The following CSMD1 variants were observed in gnomAD, a reference collection of about 807,000 sequenced individuals.
CSMD1 encodes CUB and sushi domain-containing protein 1.
In CSMD1, 213 loss-of-function variants were observed where a neutral mutation model predicts 417.5. That is an observed-to-expected ratio of 0.51 (90% CI 0.46 to 0.57). CSMD1 has a LOEUF of 0.57. Among genes scored for constraint, CSMD1 ranks in the 20% least tolerant of loss-of-function variants. The pLI is 0.00. For synonymous variants in CSMD1, 2,862 were observed against 1,736.8 expected (o/e 1.65, Z -16.11); for missense variants, 6,923 against 4,529.7 (o/e 1.53, Z -15.17).
chr8:4,654,852 G>T (rs1804130034), intron 1 of CSMD1, among the ~76,000 whole-genome samples: 1 of 151,960 alleles, frequency 6.6e-6, no homozygotes, highest in Admixed American at 6.6e-5. Context: ...AACAAATAAT[G>T]ATTTATTTGG....
intron 31 of CSMD1, among the ~76,000 whole-genome samples, chr8:3,203,158 G>C (rs1393236785): frequency 1.3e-5 from 2 of 152,196 alleles, no homozygotes; most frequent in Non-Finnish European, 2.9e-5. Flanking sequence ...GAAGGGGATA[G>C]TAACATGGTC....
intron 32 of CSMD1, 69 bp from the exon 33 acceptor site, chr8:3,199,878 A>G: frequency 2.2e-6 from 2 of 891,894 alleles, no homozygotes; most frequent in South Asian, 1.6e-5. Context: ...ATTTTGGAAA[A>G]TGGTGATAAA....
At chr8:3,782,972 A>G (rs983421691) in intron 5 of CSMD1, among the ~76,000 whole-genome samples, 1 of 152,202 alleles carries the variant, frequency 6.6e-6, no homozygotes, top group Non-Finnish European at 1.5e-5. Flanking sequence ...TAGGTACAGG[A>G]TTGTTAGCTA....
chr8:4,944,700 A>T (rs1247871500), intron 1 of CSMD1, among the ~76,000 whole-genome samples: 1 of 152,174 alleles, frequency 6.6e-6, no homozygotes, highest in Non-Finnish European at 1.5e-5. Context: ...CCTCACACCC[A>T]CGCAGATGAC....
intron 20 of CSMD1, among the ~76,000 whole-genome samples, chr8:3,364,239 T>C (rs1450341063): frequency 1.3e-5 from 2 of 152,166 alleles, no homozygotes; most frequent in Non-Finnish European, 2.9e-5. Context: ...CCAAATGAAA[T>C]TACTCCTCTA....
chr8:3,390,346 C>G (rs1811273993), intron 17 of CSMD1, among the ~76,000 whole-genome samples: 1 of 98,114 alleles, frequency 1.0e-5, no homozygotes, highest in Non-Finnish European at 1.9e-5. Context: ...CAGAGCAAGA[C>G]TCTGTCTCAA....
chr8:4,360,662 T>C (rs1801703701), intron 3 of CSMD1, among the ~76,000 whole-genome samples: 2 of 152,088 alleles, frequency 1.3e-5, no homozygotes, highest in Non-Finnish European at 2.9e-5. Context: ...GGCTAATTTT[T>C]TTTTTGTTTT....
intron 37 of CSMD1, among the ~76,000 whole-genome samples, chr8:3,180,594 C>T (rs767519749): frequency 6.6e-6 from 1 of 152,078 alleles, no homozygotes; most frequent in Non-Finnish European, 1.5e-5. Flanking sequence ...TGAACTTATA[C>T]ATTTACCCAT....
chr8:3,242,367 G>C (rs980288819), intron 26 of CSMD1, among the ~76,000 whole-genome samples: 8 of 151,740 alleles, frequency 5.3e-5, no homozygotes, highest in African/African-American at 1.9e-4. Context: ...TTGGGACTGA[G>C]GGGACAGGTA....
chr8:4,816,241 G>T (rs1380676266), intron 1 of CSMD1, among the ~76,000 whole-genome samples: 1 of 152,054 alleles, frequency 6.6e-6, no homozygotes, highest in Non-Finnish European at 1.5e-5. Flanking sequence ...TTGGAGTGCA[G>T]TAGTGCAATC....
intron 3 of CSMD1, among the ~76,000 whole-genome samples, chr8:4,197,867 A>G (rs960405824): frequency 2.6e-5 from 4 of 152,192 alleles, no homozygotes; most frequent in African/African-American, 9.7e-5. Context: ...CAACAGAGTA[A>G]GACTCCATCT....
chr8:4,464,657 G>A (rs1375354250), intron 2 of CSMD1, among the ~76,000 whole-genome samples: 1 of 152,054 alleles, frequency 6.6e-6, no homozygotes, highest in Non-Finnish European at 1.5e-5. Flanking sequence ...GGTAAGTCAG[G>A]GGCCGCCTGT....
Position 4,289,386 on chromosome 8 carries a change from A to G in CSMD1, c.415+130567T>C, listed in dbSNP as rs151307915. ...AGGTAAGATAGATTAACATCGATCA[A>G]TTAGTTAAAGTAGAGGGAGCCAGGG... On this transcript the variant is annotated intron_variant, in intron 3 of 69. Coordinates refer to ENST00000635120, the MANE Select transcript of CSMD1 (RefSeq NM_033225.6). Among the ~76,000 whole-genome samples the G allele has an allele frequency of 5.8e-4, 74 of 128,028 alleles. No individual in the cohort carries two copies. In the East Asian group the frequency reaches 0.017, roughly 29 times the overall value. The allele number at this position is 128,028 out of a possible 152,430, so 84.0% of individuals were successfully genotyped here.
intron 3 of CSMD1, among the ~76,000 whole-genome samples, chr8:4,137,295 A>G (rs1010082309): frequency 6.6e-5 from 10 of 152,332 alleles, no homozygotes; most frequent in African/African-American, 2.4e-4. Flanking sequence ...TTTAATCAAA[A>G]TAGGACGTGT....
intron 1 of CSMD1, among the ~76,000 whole-genome samples, chr8:4,752,699 G>A (rs574203263): frequency 5.8e-4 from 89 of 152,300 alleles, no homozygotes; most frequent in African/African-American, 2.1e-3. Context: ...GCTCTACACA[G>A]GGGTGGTTTA....
Position 4,750,240 on chromosome 8 carries a change from A to C in CSMD1, c.86-112682T>G, listed in dbSNP as rs369168280. ...GCCACGATGGTCTCGATCTCCCGAC[A>C]TTGTGATCCGCCCGCCTCGGCCTCC... is the stretch of plus-strand genomic sequence containing the variant. On this transcript the variant is annotated intron_variant, in intron 1 of 69. Transcript: ENST00000635120. 2.7e-3 allele frequency among the ~76,000 whole-genome samples: 418 copies of C among 152,078 alleles called. 2 individuals carry two copies. Among genetic ancestry groups the C allele is most frequent in the African/African-American group, 9.6e-3 (399 of 41,494 alleles).
intron 5 of CSMD1, among the ~76,000 whole-genome samples, chr8:3,984,235 C>G (rs1814135990): frequency 7.2e-6 from 1 of 139,256 alleles, no homozygotes; most frequent in Non-Finnish European, 1.6e-5. Context: ...AGCCATCCTG[C>G]AAAGCGAGTG....
chr8:4,948,130 A>T (rs1808490760), intron 1 of CSMD1, among the ~76,000 whole-genome samples: 1 of 152,032 alleles, frequency 6.6e-6, no homozygotes, highest in Non-Finnish European at 1.5e-5. Context: ...ATCAATTTAT[A>T]CTACTATCAT....
intron 3 of CSMD1, among the ~76,000 whole-genome samples, chr8:4,093,748 G>T (rs1243894572): frequency 3.3e-5 from 5 of 152,102 alleles, no homozygotes; most frequent in African/African-American, 1.2e-4. Flanking sequence ...ATAAACTGAG[G>T]TCAGGAGTTC....
Sources: gnomAD v4.1 joint callset for allele counts (sites outside exome capture counted in the v4.1 genomes callset) on GRCh38, gnomAD v4.1.1 for gene constraint, MANE v1.5 for transcripts, NCBI Gene and HGNC (gene_info 2026-07-23, HGNC 2026-07-21) for gene names.